CNOT3: variants seen among roughly 807,000 people sequenced by gnomAD.
CNOT3 encodes the protein CCR4-associated factor 3.
Under a neutral mutation model 89.4 loss-of-function variants are expected in CNOT3, and 2 were observed. That is an observed-to-expected ratio of 0.02 (90% CI 0.01 to 0.07). CNOT3 has a LOEUF of 0.07. Ranked by LOEUF, CNOT3 falls within the 10% of genes least tolerant of loss-of-function variation. The pLI is 1.00. For missense variants in CNOT3, 664 were observed against 1,010.2 expected, an observed-to-expected ratio of 0.66 and a Z score of 4.65; for synonymous variants, 486 against 402.0, an observed-to-expected ratio of 1.21 and a Z score of -2.50.
At chr19:54,138,776 C>G (rs962518705) in intron 1 of CNOT3, among the ~76,000 whole-genome samples, 1 of 152,262 alleles carries the variant, frequency 6.6e-6, no homozygotes, top group African/African-American at 2.4e-5. Flanking sequence ...CTGGGTGGCT[C>G]CAGCCTCGCC....
At position 54,148,563 on chromosome 19, in the gene CNOT3, G is replaced by A. The variant is rs1346389021; in HGVS notation, c.1282+28G>A. The A allele has an allele frequency of 2.5e-6, 4 of 1,579,826 alleles. No homozygotes were observed. Among genetic ancestry groups the A allele is most frequent in the South Asian group, 1.1e-5 (1 of 87,598 alleles). ...GAGTGAGGAGGCAGCGGGGTGGGGG[G>A]CGTGGGCGGGGCTGGGCAGCAGGCA... On this transcript the variant is annotated intron_variant, in intron 11 of 17. Transcript: ENST00000221232. This position sits in a 1 kb window ranked among gnomAD's most constrained non-coding sequence, Gnocchi z 6.3.
intron 16 of CNOT3, chr19:54,153,319 C>G (rs372040663): frequency 2.6e-6 from 2 of 762,058 alleles, no homozygotes; most frequent in African/African-American, 3.4e-5. Flanking sequence ...TAGGCCGACC[C>G]CACTCTGCTC....
chr19:54,152,419 T>TCC lies in CNOT3; in HGVS notation c.1706-6_1706-5dup. The TCC allele has an allele frequency of 6.2e-7, 1 of 1,613,762 alleles. No individual in the cohort carries two copies. Among genetic ancestry groups the TCC allele is most frequent in the Non-Finnish European group, 8.5e-7 (1 of 1,179,770 alleles). ...CACTGAGGGGGCCGGACCCCCACCC[T>TCC]CCCCACAGACATCATCCTGAGCAGT... On this transcript the variant is annotated splice_polypyrimidine_tract_variant and intron_variant, in intron 14 of 17. Transcript: ENST00000221232.
At chr19:54,147,676 A>C (rs2074758409) in intron 10 of CNOT3, among the ~76,000 whole-genome samples, 2 of 152,184 alleles carry the variant, frequency 1.3e-5, no homozygotes, top group Non-Finnish European at 2.9e-5. Context: ...GAGTGCTGGT[A>C]ACTTCCAGCC....
intron 1 of CNOT3, among the ~76,000 whole-genome samples, chr19:54,139,911 C>G (rs587638955): frequency 1.3e-5 from 2 of 152,144 alleles, no homozygotes; most frequent in African/African-American, 2.4e-5. Context: ...CATCCTTCTT[C>G]TGGAGTCTCA....
At position 54,153,271 on chromosome 19, in the gene CNOT3, C is replaced by T. The variant is rs113788052; in HGVS notation, c.2037+272C>T. ...GCTTCCAGTTGCCCACTGGCTCACC[C>T]GCGGCCCCTCCCCAGCCCTGCTCCA... On this transcript the variant is annotated intron_variant, in intron 16 of 17. Coordinates refer to ENST00000221232, the MANE Select transcript of CNOT3 (RefSeq NM_014516.4). 3.0e-4 allele frequency: 229 copies of T among 762,352 alleles called. 2 individuals are homozygous for T. The highest frequency in any genetic ancestry group is 3.4e-4 in the Non-Finnish European group (141 of 416,398). The allele number at this position is 762,352 out of a possible 1,614,324, so 47.2% of individuals were successfully genotyped here. A position where few individuals can be genotyped will look rare whatever the true frequency, so the allele number is the denominator to read the frequency against.
At chr19:54,142,554 C>T (rs36633) in intron 1 of CNOT3, 166,256 of 306,900 alleles carry the variant, frequency 0.54, 46,434 homozygotes, top group East Asian at 0.74. Context: ...GAAGTGTGAT[C>T]TCCAGGGCTA....
intron 13 of CNOT3, among the ~76,000 whole-genome samples, chr19:54,150,597 G>A (rs1310848456): frequency 9.2e-6 from 1 of 108,226 alleles, no homozygotes; most frequent in African/African-American, 3.7e-5. Context: ...GGCAGTGTGC[G>A]CGCCCAGGCT....
At chr19:54,140,836 C>T (rs1380886705) in intron 1 of CNOT3, among the ~76,000 whole-genome samples, 1 of 152,210 alleles carries the variant, frequency 6.6e-6, no homozygotes, top group Non-Finnish European at 1.5e-5. Flanking sequence ...GGTCTCCTGT[C>T]TGTGGGTATT....
chr19:54,152,464 C>T lies in CNOT3; in HGVS notation c.1742C>T (p.Ser581Leu). 1.2e-6 allele frequency: 2 copies of T among 1,614,220 alleles called. No individual in the cohort carries two copies. Among genetic ancestry groups the T allele is most frequent in the Non-Finnish European group, 1.7e-6 (2 of 1,180,026 alleles). Residue 581 changes from serine to leucine, a missense_variant, in exon 15 of 18, where the codon TCA (serine) becomes TTA (leucine). Physicochemically the swap from Ser to Leu is moderately radical, Grantham distance 145. This residue lies in a region of CNOT3 where 545 missense variants were observed against 566.2 expected (regional missense o/e 0.96). Coordinates refer to ENST00000221232, the MANE Select transcript of CNOT3 (RefSeq NM_014516.4). The part of the protein sequence containing the change: ...ILSSTSAPPA[S>L]AQPPLQLSEV... ...AGCAGTACATCAGCACCTCCGGCCT[C>T]AGCCCAGCCGCCCCTGCAGCTGTCA...
At chr19:54,140,937 G>A (rs1321224874) in intron 1 of CNOT3, among the ~76,000 whole-genome samples, 1 of 152,194 alleles carries the variant, frequency 6.6e-6, no homozygotes, top group Non-Finnish European at 1.5e-5. Context: ...GTTTAGGGGT[G>A]TAGACCATGA....
chr19:54,145,668 C>G lies in CNOT3; in HGVS notation c.554C>G (p.Thr185Ser), dbSNP rs1377009245. The G allele has an allele frequency of 6.2e-7, 1 of 1,613,486 alleles. No homozygotes were observed. Residue 185 changes from threonine (T) to serine (S), a missense_variant, in exon 8 of 18, where the codon ACC becomes AGC. Thr to Ser is a moderately conservative substitution (Grantham distance 58). This residue lies in a region of CNOT3 where 0 missense variants were observed against 19.1 expected (regional missense o/e 0.00). Coordinates refer to ENST00000221232, the MANE Select transcript of CNOT3 (RefSeq NM_014516.4). This position sits in a 1 kb window ranked among gnomAD's most constrained non-coding sequence, Gnocchi z 5.9. The stretch of plus-strand genomic sequence containing the variant: ...CGCTACCACGTGCGCATGCTAGAGA[C>G]CATCCTGCGCATGCTGGACAATGAC... ...KHRYHVRMLE[T>S]ILRMLDNDSI...
intron 10 of CNOT3, 152 bp from the exon 11 acceptor site, chr19:54,147,996 A>G: frequency 2.0e-6 from 1 of 502,996 alleles, no homozygotes; most frequent in Non-Finnish European, 3.4e-6. Context: ...AGGGTGAGTA[A>G]GGTCACCCAG....
chr19:54,143,816 C>A, intron 5 of CNOT3, 67 bp downstream of exon 5: 1 of 1,546,806 alleles, frequency 6.5e-7, no homozygotes, highest in Non-Finnish European at 8.9e-7. Flanking sequence ...TCCCAAGGGG[C>A]GGAGGCAGAG....
chr19:54,144,442 G>A lies in CNOT3; in HGVS notation c.483+110G>A, dbSNP rs767914829. On this transcript the variant is annotated intron_variant, in intron 7 of 17. Transcript: ENST00000221232. This position sits in a 1 kb window ranked among gnomAD's most constrained non-coding sequence, Gnocchi z 4.8. ...TGGGAGTTGGGGCCTGGATTCCTCAGGCGGACAGGGCCAACAGCCGGGATT... is the reference window on the plus strand; with the variant it reads ...TGGGAGTTGGGGCCTGGATTCCTCAAGCGGACAGGGCCAACAGCCGGGATT... 1.1e-4 allele frequency: 83 copies of A among 784,322 alleles called. No individual in the cohort carries two copies. Among genetic ancestry groups the A allele is most frequent in the Non-Finnish European group, 1.6e-4 (75 of 459,024 alleles). The allele number at this position is 784,322 out of a possible 1,614,324, so 48.6% of individuals were successfully genotyped here.
chr19:54,153,058 TC>T, intron 16 of CNOT3, 59 bp downstream of exon 16: 17 of 1,544,896 alleles, frequency 1.1e-5, no homozygotes, highest in Non-Finnish European at 1.4e-5. Flanking sequence ...ACCGCCGCCG[TC>T]CCCCCTCGGG....
In CNOT3 at chr19:54,147,199, T is replaced by TC. The variant is rs2074724078; in HGVS notation, c.894+544dup. On this transcript the variant is annotated intron_variant, in intron 10 of 17. Transcript: ENST00000221232. ...CGGTGGCGGGCAGTGCTTCTTCAAC[T>TC]CCTTTGACATCTCCCAGGACAGGAG... Among the ~76,000 whole-genome samples the TC allele has an allele frequency of 2.0e-5, 3 of 152,292 alleles. No homozygotes were observed. In the South Asian group the frequency reaches 6.2e-4, roughly 32 times the overall value.
In CNOT3 at chr19:54,155,168, TGA is replaced by T. The variant is rs1386017874; in HGVS notation, c.2164-137_2164-136del. On this transcript the variant is annotated intron_variant, in intron 17 of 17. Coordinates refer to ENST00000221232, the MANE Select transcript of CNOT3 (RefSeq NM_014516.4). ...CCAAGAAGAACCTTGTGAGGATGGA[TGA>T]GAGTGTGTGCGTGCAGGGCAGCTGG... 7 of 862,468 alleles carry T rather than the reference TGA, an allele frequency of 8.1e-6. No homozygotes were observed. In the African/African-American group the frequency reaches 8.5e-5, roughly 11 times the overall value. The allele number at this position is 862,468 out of a possible 1,614,324, so 53.4% of individuals were successfully genotyped here. A position where few individuals can be genotyped will look rare whatever the true frequency, so the allele number is the denominator to read the frequency against.
rs1222178868 is a variant in CNOT3 at position 54,153,859 on chromosome 19, C to T, written c.2163+19C>T. ...TGAGCAGGTGAGGGCCCCGCCCCCT[C>T]TCTTCCCGCTGCTAGGGTTGGGGTA... is the stretch of plus-strand genomic sequence containing the variant. On this transcript the variant is annotated intron_variant, in intron 17 of 17. Coordinates refer to ENST00000221232, the MANE Select transcript of CNOT3 (RefSeq NM_014516.4). 1 of 1,614,076 alleles carries T rather than the reference C, an allele frequency of 6.2e-7. No homozygotes were observed. The highest frequency in any genetic ancestry group is 1.7e-5 in the Admixed American group (1 of 60,024).
Sources: gnomAD v4.1 joint callset for allele counts (sites outside exome capture counted in the v4.1 genomes callset) on GRCh38, gnomAD v4.1.1 for gene constraint, gnomAD v4.1.1 regional missense constraint, Gnocchi (gnomAD v3.1) non-coding constraint, MANE v1.5 for transcripts, NCBI Gene and HGNC (gene_info 2026-07-23, HGNC 2026-07-21) for gene names.